The following PARK7 variants were observed in gnomAD, a reference collection of about 807,000 sequenced individuals.
The protein encoded by PARK7 is Parkinson disease protein 7.
PARK7 carries 14 observed loss-of-function variants against 20.5 expected under a neutral mutation model. That is an observed-to-expected ratio of 0.68 (90% confidence interval 0.45 to 1.07). PARK7 has a LOEUF of 1.07. Among genes scored for constraint, PARK7 ranks in the 50% least tolerant of loss-of-function variants. The pLI, the probability that PARK7 is intolerant of heterozygous loss-of-function variation, is 0.00. For missense variants in PARK7, 234 were observed against 238.1 expected, an observed-to-expected ratio of 0.98 and a Z score of 0.11; for synonymous variants, 98 against 84.3, an observed-to-expected ratio of 1.16 and a Z score of -0.89.
intron 1 of PARK7, among the ~76,000 whole-genome samples, chr1:7,962,467 C>T (rs1418449856): frequency 6.6e-6 from 1 of 152,068 alleles, no homozygotes; most frequent in African/African-American, 2.4e-5. Flanking sequence ...TTTAAAAAAC[C>T]CATTTGCAAC....
intron 2 of PARK7, among the ~76,000 whole-genome samples, 168 bp downstream of exon 2, chr1:7,963,043 C>G (rs1640243048): frequency 6.6e-6 from 1 of 152,148 alleles, no homozygotes; most frequent in Non-Finnish European, 1.5e-5. Flanking sequence ...ACATTTAACG[C>G]TTGTTAATGT....
At chr1:7,964,724 C>T (rs1372481397) in intron 2 of PARK7, among the ~76,000 whole-genome samples, 2 of 152,186 alleles carry the variant, frequency 1.3e-5, no homozygotes, top group Admixed American at 6.5e-5. Context: ...TTTCCCAGTG[C>T]CAGCTCTTGG....
chr1:7,969,931 T>C (rs1265059823), intron 4 of PARK7, among the ~76,000 whole-genome samples: 1 of 152,164 alleles, frequency 6.6e-6, no homozygotes, highest in East Asian at 1.9e-4. Flanking sequence ...TGGCTCAACG[T>C]CTATAATCCC....
rs571183238 is a variant in PARK7 at position 7,969,555 on chromosome 1, A to G, written c.252+151A>G. ...AAAAAAATAGAAACAACTAAAATTA[A>G]CAAAATGGTGTTATAGCATTAACTC... On this transcript the variant is annotated intron_variant, in intron 4 of 6. Transcript: ENST00000338639. 14 of 695,984 alleles carry G rather than the reference A, an allele frequency of 2.0e-5. No individual in the cohort carries two copies. The East Asian group carries it at 3.3e-4, about 16-fold the overall frequency. The allele number at this position is 695,984 out of a possible 1,614,324, so 43.1% of individuals were successfully genotyped here. A position where few individuals can be genotyped will look rare whatever the true frequency, so the allele number is the denominator to read the frequency against.
At position 7,984,998 on chromosome 1, in the gene PARK7, C is replaced by T; in HGVS notation, c.514C>T (p.Leu172=). The change falls in exon 7 of 7, where the codon CTG becomes TTG. Residue 172 remains leucine (L), a synonymous_variant. Coordinates refer to ENST00000338639, the MANE Select transcript of PARK7 (RefSeq NM_007262.5). This position sits in a 1 kb window ranked among gnomAD's most constrained non-coding sequence, Gnocchi z 4.3. The part of the protein sequence containing the change: ...FEFALAIVEA[L]NGKEVAAQVK... ...GTTTGCGCTTGCAATTGTTGAAGCC[C>T]TGAATGGCAAGGAGGTGGCGGCTCA... The T allele has an allele frequency of 6.2e-7, 1 of 1,614,148 alleles. No homozygotes were observed. The highest frequency in any genetic ancestry group is 8.5e-7 in the Non-Finnish European group (1 of 1,180,040).
chr1:7,984,999 T>C lies in PARK7; in HGVS notation c.515T>C (p.Leu172Pro). The C allele has an allele frequency of 6.2e-7, 1 of 1,614,212 alleles. No homozygotes were observed. The highest frequency in any genetic ancestry group is 8.5e-7 in the Non-Finnish European group (1 of 1,180,046). ...FEFALAIVEALNGKEVAAQVK... is the reference protein window; with the variant it reads ...FEFALAIVEAPNGKEVAAQVK... ...TTTGCGCTTGCAATTGTTGAAGCCC[T>C]GAATGGCAAGGAGGTGGCGGCTCAA... The change falls in exon 7 of 7, where the codon CTG becomes CCG. Residue 172 changes from leucine (L) to proline (P), a missense_variant. Physicochemically the swap from Leu to Pro is moderately conservative, Grantham distance 98. Coordinates refer to ENST00000338639, the MANE Select transcript of PARK7 (RefSeq NM_007262.5). The surrounding 1 kb of genome is among the most constrained non-coding windows in gnomAD (Gnocchi z 4.3).
intron 5 of PARK7, among the ~76,000 whole-genome samples, chr1:7,974,834 A>G (rs1311258372): frequency 6.7e-6 from 1 of 149,904 alleles, no homozygotes; most frequent in Non-Finnish European, 1.5e-5. Flanking sequence ...AAATTGGCAA[A>G]CAGAAAAATA....
chr1:7,979,140 C>G (rs546913951), intron 6 of PARK7, among the ~76,000 whole-genome samples: 3 of 152,278 alleles, frequency 2.0e-5, no homozygotes, highest in Admixed American at 6.5e-5. Flanking sequence ...CCTTGTAAAC[C>G]ATGCCATAAT....
chr1:7,979,143 G>T (rs1640658447), intron 6 of PARK7, among the ~76,000 whole-genome samples: 1 of 152,158 alleles, frequency 6.6e-6, no homozygotes, highest in African/African-American at 2.4e-5. Flanking sequence ...TGTAAACCAT[G>T]CCATAATGAT....
At chr1:7,981,660 GTTT>G (rs1245140194) in intron 6 of PARK7, among the ~76,000 whole-genome samples, 4 of 136,518 alleles carry the variant, frequency 2.9e-5, no homozygotes, top group African/African-American at 5.4e-5. Context: ...TGTGTCTTTT[GTTT>G]TTTTTTTTTT....
At chr1:7,981,665 T>G (rs954314585) in intron 6 of PARK7, among the ~76,000 whole-genome samples, 4 of 150,842 alleles carry the variant, frequency 2.7e-5, no homozygotes, top group Non-Finnish European at 5.9e-5. Flanking sequence ...CTTTTGTTTT[T>G]TTTTTTTTTT....
intron 4 of PARK7, among the ~76,000 whole-genome samples, chr1:7,970,447 A>C (rs772870333): frequency 1.9e-4 from 29 of 152,178 alleles, no homozygotes; most frequent in Non-Finnish European, 3.7e-4. Context: ...TTTAAGTCGT[A>C]TGTGAGGAGT....
At position 7,962,877 on chromosome 1, in the gene PARK7, T is replaced by TA; in HGVS notation, c.90+4dup. 6.2e-7 allele frequency: 1 copy of TA among 1,610,622 alleles called. No homozygotes were observed. Among genetic ancestry groups the TA allele is most frequent in the Non-Finnish European group, 8.5e-7 (1 of 1,177,192 alleles). On this transcript the variant is annotated splice_region_variant and intron_variant, in intron 2 of 6. Coordinates refer to ENST00000338639, the MANE Select transcript of PARK7 (RefSeq NM_007262.5). The stretch of plus-strand genomic sequence containing the variant: ...GTAGATGTCATGAGGCGAGCTGGGG[T>TA]AAGTCCCACATCGATTTTTAGCCAT...
At chr1:7,968,532 TTTAG>T (rs1179259491) in intron 3 of PARK7, among the ~76,000 whole-genome samples, 3 of 152,118 alleles carry the variant, frequency 2.0e-5, no homozygotes, top group Admixed American at 2.0e-4. Flanking sequence ...TATTTGTTTT[TTTAG>T]ACAGAGTCTT....
At position 7,985,118 on chromosome 1, in the gene PARK7, G is replaced by A. The variant is rs1202402825; in HGVS notation, c.*64G>A. 4.3e-5 allele frequency: 67 copies of A among 1,574,298 alleles called. No individual in the cohort carries two copies. The highest frequency in any genetic ancestry group is 1.9e-5 in the Admixed American group (1 of 53,908). Reference sequence around the variant, plus strand: ...TTAGGAATCCATTCTCACTGTGTTCGCTCTAAACAAAACAGTGGTAGGTTA... The same window carrying A: ...TTAGGAATCCATTCTCACTGTGTTCACTCTAAACAAAACAGTGGTAGGTTA... On this transcript the variant is annotated 3_prime_UTR_variant, in exon 7 of 7. Transcript: ENST00000338639.
At chr1:7,983,871 ATCAT>A (rs1640763119) in intron 6 of PARK7, among the ~76,000 whole-genome samples, 1 of 152,362 alleles carries the variant, frequency 6.6e-6, no homozygotes, top group Non-Finnish European at 1.5e-5. Flanking sequence ...TGCCATGGAT[ATCAT>A]TGGCCAGACA....
chr1:7,984,477 CAG>C lies in PARK7; in HGVS notation c.410-414_410-413del, dbSNP rs369430790. Among the ~76,000 whole-genome samples, 12 of 152,208 alleles carry C rather than the reference CAG, an allele frequency of 7.9e-5. No homozygotes were observed. Among genetic ancestry groups the C allele is most frequent in the African/African-American group, 2.9e-4 (12 of 41,456 alleles). The stretch of plus-strand genomic sequence containing the variant: ...TGTGCTGTGGTTGTTTTTGAGGCAT[CAG>C]AGGGTGTGCGTGCCGCCACATGTTG... On this transcript the variant is annotated intron_variant, in intron 6 of 6. Coordinates refer to ENST00000338639, the MANE Select transcript of PARK7 (RefSeq NM_007262.5). The surrounding 1 kb of genome is among the most constrained non-coding windows in gnomAD (Gnocchi z 4.3).
chr1:7,971,074 CTG>C, intron 5 of PARK7, 111 bp downstream of exon 5: 1 of 1,162,270 alleles, frequency 8.6e-7, no homozygotes, highest in Non-Finnish European at 1.3e-6. Context: ...TGCAGGGCAT[CTG>C]TGTTGGTGTA....
At chr1:7,981,462 C>T (rs1193543659) in intron 6 of PARK7, among the ~76,000 whole-genome samples, 1 of 152,168 alleles carries the variant, frequency 6.6e-6, no homozygotes, top group African/African-American at 2.4e-5. Context: ...TCCCCAAAGG[C>T]CAGGTGGTAA....
Sources: gnomAD v4.1 joint callset for allele counts (sites outside exome capture counted in the v4.1 genomes callset) on GRCh38, gnomAD v4.1.1 for gene constraint, Gnocchi (gnomAD v3.1) non-coding constraint, MANE v1.5 for transcripts, NCBI Gene and HGNC (gene_info 2026-07-23, HGNC 2026-07-21) for gene names.